The following MANBA variants were observed in gnomAD, a reference collection of about 807,000 sequenced individuals.
The protein encoded by MANBA is beta-mannosidase.
A neutral mutation model predicts 111.1 loss-of-function variants in MANBA; 83 were observed. That is an observed-to-expected ratio of 0.75 (90% CI 0.63 to 0.90). The LOEUF (loss-of-function observed/expected upper bound fraction) is 0.90. Ranked by LOEUF, MANBA falls within the 40% of genes least tolerant of loss-of-function variation. The pLI is 0.00. For synonymous variants in MANBA, 370 were observed against 378.7 expected (o/e 0.98, Z 0.27); for missense variants, 1,036 against 1,069.0 (o/e 0.97, Z 0.43).
chr4:102,728,637 G>T, intron 1 of MANBA: 3 of 519,736 alleles, frequency 5.8e-6, no homozygotes, highest in Non-Finnish European at 1.0e-5. Context: ...CCTGTGGGTG[G>T]GTTGAGGGCT....
intron 11 of MANBA, among the ~76,000 whole-genome samples, chr4:102,659,930 T>A (rs1026454239): frequency 6.6e-6 from 1 of 152,080 alleles, no homozygotes. Flanking sequence ...CATCCCCAGA[T>A]GGACACTCTA....
intron 11 of MANBA, among the ~76,000 whole-genome samples, chr4:102,659,327 C>G (rs1008984282): frequency 9.9e-5 from 15 of 152,156 alleles, no homozygotes; most frequent in African/African-American, 3.6e-4. Context: ...GGCCAGTAAG[C>G]CTTCCCTGAG....
intron 8 of MANBA, 44 bp from the exon 9 acceptor site, chr4:102,671,442 A>G: frequency 1.7e-6 from 2 of 1,195,112 alleles, no homozygotes; most frequent in Middle Eastern, 1.9e-4. Flanking sequence ...TGGAAAAAAA[A>G]AACAGATTGT....
chr4:102,727,403 G>A, intron 1 of MANBA: 1 of 925,200 alleles, frequency 1.1e-6, no homozygotes, highest in Non-Finnish European at 1.8e-6. Flanking sequence ...TGAATCAGGA[G>A]GCCTGTCCTG....
chr4:102,705,601 T>C (rs988068185), intron 5 of MANBA, among the ~76,000 whole-genome samples: 1 of 152,042 alleles, frequency 6.6e-6, no homozygotes, highest in Non-Finnish European at 1.5e-5. Flanking sequence ...CACCTATAGC[T>C]ACTGCCACTG....
intron 13 of MANBA, among the ~76,000 whole-genome samples, chr4:102,647,509 C>T (rs1331088751): frequency 1.3e-5 from 2 of 151,658 alleles, no homozygotes; most frequent in Non-Finnish European, 2.9e-5. Context: ...GAGTAATAAA[C>T]AGCTGGAAGG....
At chr4:102,644,257 C>T (rs1462837395) in intron 13 of MANBA, among the ~76,000 whole-genome samples, 2 of 152,094 alleles carry the variant, frequency 1.3e-5, no homozygotes, top group Non-Finnish European at 2.9e-5. Flanking sequence ...AATAGAACTA[C>T]TATATGATCC....
At chr4:102,727,425 G>T in intron 1 of MANBA, 1 of 1,146,882 alleles carries the variant, frequency 8.7e-7, no homozygotes, top group Non-Finnish European at 1.3e-6. Flanking sequence ...AGATGAGCTT[G>T]GTATAGGCCA....
In MANBA at chr4:102,752,011, T is replaced by G. The variant is rs966728667; in HGVS notation, c.177+8707A>C. 10 of 740,492 alleles carry G rather than the reference T, an allele frequency of 1.4e-5. No homozygotes were observed. In the African/African-American group the frequency reaches 1.7e-4, roughly 13 times the overall value. 45.9% of individuals were successfully genotyped at this position (740,492 alleles called of 1,614,324 possible). A position where few individuals can be genotyped will look rare whatever the true frequency, so the allele number is the denominator to read the frequency against. ...TGTTGATAGCTCAGGAACTAAATTTTGTAGTGGCTCCTGGGATAAGATGCT... is the reference window on the plus strand; with the variant it reads ...TGTTGATAGCTCAGGAACTAAATTTGGTAGTGGCTCCTGGGATAAGATGCT... On this transcript the variant is annotated intron_variant, in intron 1 of 16. Transcript: ENST00000647097.
intron 5 of MANBA, among the ~76,000 whole-genome samples, chr4:102,704,557 T>G (rs1052185604): frequency 1.9e-4 from 29 of 152,158 alleles, no homozygotes; most frequent in African/African-American, 6.5e-4. Flanking sequence ...TGTACCTTTT[T>G]TTATTATGAA....
chr4:102,657,253 GGAGGAGAAA>G (rs1730607459), intron 12 of MANBA, among the ~76,000 whole-genome samples: 1 of 145,700 alleles, frequency 6.9e-6, no homozygotes, highest in Admixed American at 6.9e-5. Flanking sequence ...TAATGGAATA[GGAGGAGAAA>G]GAGGAGAGAA....
chr4:102,635,775 C>G (rs1729597455), intron 15 of MANBA, 90 bp downstream of exon 15: 5 of 1,370,768 alleles, frequency 3.6e-6, no homozygotes, highest in African/African-American at 2.9e-5. Flanking sequence ...ATTAATTTCT[C>G]TTTTATTTTC....
chr4:102,744,796 TG>T (rs756408202), intron 1 of MANBA, among the ~76,000 whole-genome samples: 1 of 152,220 alleles, frequency 6.6e-6, no homozygotes, highest in Non-Finnish European at 1.5e-5. Flanking sequence ...AGGTCCTTGA[TG>T]GTGGCACTAA....
chr4:102,706,291 C>G (rs983615732), intron 5 of MANBA, among the ~76,000 whole-genome samples: 7 of 152,346 alleles, frequency 4.6e-5, no homozygotes, highest in African/African-American at 1.4e-4. Flanking sequence ...AACTTCACTA[C>G]AGCCTCCACT....
intron 16 of MANBA, among the ~76,000 whole-genome samples, chr4:102,632,556 A>G (rs1320599521): frequency 6.6e-6 from 1 of 152,252 alleles, no homozygotes; most frequent in Non-Finnish European, 1.5e-5. Flanking sequence ...AAAGCTTTAC[A>G]TCTTTTACAG....
chr4:102,678,333 T>C (rs1731812726), intron 7 of MANBA, among the ~76,000 whole-genome samples: 1 of 152,198 alleles, frequency 6.6e-6, no homozygotes, highest in African/African-American at 2.4e-5. Context: ...CCCGCTTCTA[T>C]GATAAGTGTC....
At chr4:102,657,586 C>T (rs992190132) in intron 12 of MANBA, 96 bp downstream of exon 12, 24 of 1,000,892 alleles carry the variant, frequency 2.4e-5, no homozygotes, top group Middle Eastern at 3.1e-4. Flanking sequence ...TTAAATAAGA[C>T]GTAGGTTTCA....
chr4:102,641,308 T>C (rs1729870053), intron 13 of MANBA, among the ~76,000 whole-genome samples: 2 of 152,108 alleles, frequency 1.3e-5, no homozygotes, highest in African/African-American at 2.4e-5. Context: ...CTGGTGAGAA[T>C]TGCAGGGGCC....
At chr4:102,668,162 C>G (rs1287280477) in intron 10 of MANBA, 1 of 152,144 alleles carries the variant, frequency 6.6e-6, no homozygotes, top group Non-Finnish European at 1.5e-5. Flanking sequence ...ATCTGTGTTT[C>G]AAAGCATGAT....
Sources: allele counts gnomAD v4.1 joint callset (sites outside exome capture counted in the v4.1 genomes callset), GRCh38; gene constraint gnomAD v4.1.1; transcripts MANE v1.5; gene names NCBI Gene and HGNC (gene_info 2026-07-23, HGNC 2026-07-21).